The following MROH2B variants were observed in gnomAD, a reference collection of about 807,000 sequenced individuals.
MROH2B encodes the protein maestro heat-like repeat-containing protein family member 2B.
In MROH2B, 177 loss-of-function variants were observed where a neutral mutation model predicts 208.6. That is an observed-to-expected ratio of 0.85 (90% CI 0.75 to 0.96). The LOEUF (loss-of-function observed/expected upper bound fraction) is 0.96. MROH2B is among the 40% of genes least tolerant of loss of function. The pLI is 0.00. For synonymous variants in MROH2B, 728 were observed against 659.0 expected (o/e 1.10, Z -1.60); for missense variants, 2,002 against 1,878.7 (o/e 1.07, Z -1.21).
chr5:41,001,044 C>G (rs1205202034), intron 37 of MROH2B, among the ~76,000 whole-genome samples: 2 of 152,100 alleles, frequency 1.3e-5, no homozygotes, highest in African/African-American at 4.8e-5. Context: ...TTAAAAAACC[C>G]TGGGTCTGGG....
chr5:41,028,158 G>A (rs1742444707), intron 24 of MROH2B, among the ~76,000 whole-genome samples: 1 of 152,140 alleles, frequency 6.6e-6, no homozygotes, highest in African/African-American at 2.4e-5. Context: ...TGCACGTTGT[G>A]CACATGTACC....
intron 13 of MROH2B, among the ~76,000 whole-genome samples, chr5:41,050,083 C>T (rs1379699132): frequency 6.6e-6 from 1 of 152,160 alleles, no homozygotes; most frequent in African/African-American, 2.4e-5. Context: ...CCTTTCATGT[C>T]TCATTTCTAT....
chr5:41,008,792 A>C lies in MROH2B; in HGVS notation c.3422T>G (p.Val1141Gly). 1.2e-6 allele frequency: 2 copies of C among 1,606,068 alleles called. No homozygotes were observed. The highest frequency in any genetic ancestry group is 1.7e-6 in the Non-Finnish European group (2 of 1,174,312). ...GATCACTTCATACATAGCACAGGCC[A>C]CCTGAGGGGAGAAAGGGCCTCTTGG... ...DDIARVEAISVACAMYEVISM... is the reference protein window; with the variant it reads ...DDIARVEAISGACAMYEVISM... Residue 1141 changes from valine (V) to glycine (G), a missense_variant and splice_region_variant, in exon 33 of 42, where the codon GTG (valine) becomes GGG (glycine). Transcript: ENST00000399564.
chr5:41,017,915 C>A lies in MROH2B; in HGVS notation c.2819G>T (p.Cys940Phe). The A allele has an allele frequency of 1.3e-6, 2 of 1,586,080 alleles. No individual in the cohort carries two copies. Among genetic ancestry groups the A allele is most frequent in the South Asian group, 2.3e-5 (2 of 86,802 alleles). The change falls in exon 28 of 42, where the codon TGT becomes TTT. Residue 940 changes from cysteine (C) to phenylalanine (F), a missense_variant. Coordinates refer to ENST00000399564, the MANE Select transcript of MROH2B (RefSeq NM_173489.5). The stretch of plus-strand genomic sequence containing the variant: ...CTGACGGATGGTGGGCAGGGTATCA[C>A]AGGAGTGAGGAGCCAGAAGTCCAAG... Reference protein sequence around the residue: ...SLLGLLAPHSCDTLPTIRQAA... With the variant: ...SLLGLLAPHSFDTLPTIRQAA...
At chr5:41,067,364 C>CTT in intron 2 of MROH2B, 146 bp from the exon 3 acceptor site, 11 of 517,178 alleles carry the variant, frequency 2.1e-5, no homozygotes, top group East Asian at 3.4e-5. Context: ...TTGAGGCTTT[C>CTT]TTTTTTTTTT....
rs750373489 is a variant in MROH2B, at chr5:41,039,542, AT to A, written c.1966del (p.Ile656PhefsTer2). On this transcript the variant is annotated frameshift_variant, in exon 20 of 42. Transcript: ENST00000399564. LOFTEE classifies it high-confidence loss of function. ...LGDQRQGITSILGYCAENHLD... is the reference protein window; with the variant it reads ...LGDQRQGITSXLGYCAENHLD... ...ATGGTTCTCGGCACAGTATCCTAAAATAGATGTTATTCCCTAAAATCAGAAA... is the reference window on the plus strand; with the variant it reads ...ATGGTTCTCGGCACAGTATCCTAAAAAGATGTTATTCCCTAAAATCAGAAA... The A allele has an allele frequency of 8.2e-6, 13 of 1,588,478 alleles. No individual in the cohort carries two copies. The highest frequency in any genetic ancestry group is 1.2e-5 in the South Asian group (1 of 86,710).
intron 37 of MROH2B, among the ~76,000 whole-genome samples, chr5:41,003,086 T>A (rs998511600): frequency 2.0e-5 from 3 of 151,616 alleles, no homozygotes; most frequent in Non-Finnish European, 4.4e-5. Context: ...TCAGTCTCCC[T>A]AGTAGCTGGG....
At chr5:41,018,845 G>A (rs1216026023) in intron 25 of MROH2B, 38 bp downstream of exon 25, 1 of 1,613,762 alleles carries the variant, frequency 6.2e-7, no homozygotes, top group Non-Finnish European at 8.5e-7. Flanking sequence ...AGGCCCCACT[G>A]CAGACTGTCA....
intron 2 of MROH2B, among the ~76,000 whole-genome samples, chr5:41,067,953 G>A (rs548671366): frequency 3.0e-4 from 46 of 152,254 alleles, no homozygotes; most frequent in Non-Finnish European, 5.1e-4. Flanking sequence ...TATGAAACTG[G>A]ATCCTAAGGG....
chr5:41,049,360 A>G lies in MROH2B; in HGVS notation c.1421T>C (p.Ile474Thr). 2 of 1,613,722 alleles carry G rather than the reference A, an allele frequency of 1.2e-6. No homozygotes were observed. Among genetic ancestry groups the G allele is most frequent in the Non-Finnish European group, 1.7e-6 (2 of 1,179,776 alleles). The change falls in exon 14 of 42, where the codon ATC becomes ACC. Residue 474 changes from isoleucine (I) to threonine (T), a missense_variant. Ile to Thr is a moderately conservative substitution (Grantham distance 89, BLOSUM62 -1). Transcript: ENST00000399564. ...TEALEPLFSI[I>T]RILIMAEEKK... is the part of the protein sequence containing the mutation. The stretch of plus-strand genomic sequence containing the variant: ...CTCCTCTGCCATAATCAGAATTCTG[A>G]TGATACTAAACAGGGGCTCCAGAGC...
intron 10 of MROH2B, among the ~76,000 whole-genome samples, chr5:41,055,514 C>T (rs1292060614): frequency 1.4e-5 from 2 of 140,980 alleles, no homozygotes. Context: ...AAATTCTACT[C>T]ATTCTTCTCA....
intron 6 of MROH2B, among the ~76,000 whole-genome samples, chr5:41,060,780 A>AG (rs1275776912): frequency 1.3e-5 from 2 of 152,182 alleles, no homozygotes; most frequent in Non-Finnish European, 2.9e-5. Flanking sequence ...GGTGTCTTGA[A>AG]GAAAAAACTT....
chr5:41,001,207 T>G (rs1741387140), intron 37 of MROH2B, among the ~76,000 whole-genome samples: 1 of 152,106 alleles, frequency 6.6e-6, no homozygotes, highest in Non-Finnish European at 1.5e-5. Flanking sequence ...GTTACTAGCC[T>G]AGAATTATGG....
At chr5:41,064,855 A>G (rs1442618697) in intron 4 of MROH2B, among the ~76,000 whole-genome samples, 1 of 152,172 alleles carries the variant, frequency 6.6e-6, no homozygotes, top group Non-Finnish European at 1.5e-5. Flanking sequence ...GCTCACCACT[A>G]TACCACCAGT....
chr5:41,030,904 C>T (rs575925160), intron 24 of MROH2B, among the ~76,000 whole-genome samples: 2 of 151,986 alleles, frequency 1.3e-5, no homozygotes, highest in African/African-American at 4.8e-5. Context: ...ATTTATTTTG[C>T]CACAATTAAA....
At chr5:41,055,910 C>T in intron 9 of MROH2B, 55 bp from the exon 10 acceptor site, 1 of 1,243,294 alleles carries the variant, frequency 8.0e-7, no homozygotes, top group Non-Finnish European at 1.2e-6. Flanking sequence ...AGGTAAAATA[C>T]TTGTGAATGG....
At chr5:41,028,000 G>T (rs373819644) in intron 24 of MROH2B, among the ~76,000 whole-genome samples, 4 of 150,468 alleles carry the variant, frequency 2.7e-5, no homozygotes, top group African/African-American at 9.8e-5. Context: ...AGAACACTTG[G>T]AAACAGGGTG....
chr5:41,057,463 C>T, intron 7 of MROH2B, 103 bp from the exon 8 acceptor site: 1 of 785,562 alleles, frequency 1.3e-6, no homozygotes, highest in Non-Finnish European at 2.0e-6. Context: ...ACAAGCTTCT[C>T]ATCTTCCTGC....
At chr5:41,025,395 T>C (rs1742317317) in intron 24 of MROH2B, among the ~76,000 whole-genome samples, 1 of 152,116 alleles carries the variant, frequency 6.6e-6, no homozygotes, top group African/African-American at 2.4e-5. Context: ...CATCAGAGAA[T>C]ACTATAAACA....
Sources: allele counts gnomAD v4.1 joint callset (sites outside exome capture counted in the v4.1 genomes callset), GRCh38; gene constraint gnomAD v4.1.1; transcripts MANE v1.5; gene names NCBI Gene and HGNC (gene_info 2026-07-23, HGNC 2026-07-21).